The following STK4 variants were observed in gnomAD, a reference collection of about 807,000 sequenced individuals.
STK4 encodes serine/threonine-protein kinase 4.
A neutral mutation model predicts 64.9 loss-of-function variants in STK4; 30 were observed. The observed-to-expected ratio is 0.46, with a 90% CI of 0.35 to 0.63. STK4 has a LOEUF of 0.63. STK4 is among the 20% of genes least tolerant of loss of function. The pLI, the probability that STK4 is intolerant of heterozygous loss-of-function variation, is 0.01. For missense variants in STK4, 466 were observed against 598.5 expected (o/e 0.78, Z 2.31); for synonymous variants, 177 against 199.0 (o/e 0.89, Z 0.93).
rs1238926514 is a variant in STK4, at chr20:45,079,420, C to T, written c.*4244C>T. 1 of 152,194 alleles carries T rather than the reference C, an allele frequency of 6.6e-6. No individual in the cohort carries two copies. Among genetic ancestry groups the T allele is most frequent in the Non-Finnish European group, 1.5e-5 (1 of 68,028 alleles). 9.4% of individuals were successfully genotyped at this position (152,194 alleles called of 1,614,324 possible). On this transcript the variant is annotated 3_prime_UTR_variant, in exon 11 of 11. Coordinates refer to ENST00000372806, the MANE Select transcript of STK4 (RefSeq NM_006282.5). ...GGTCTTCTGATTCTTATTCCAGTGT[C>T]CTTTCTAGCATACCATGTTGCCTCT...
chr20:45,061,811 T>C (rs1979036722), intron 10 of STK4, among the ~76,000 whole-genome samples: 1 of 151,890 alleles, frequency 6.6e-6, no homozygotes, highest in Non-Finnish European at 1.5e-5. Context: ...CTCATGTTTT[T>C]GTTGTTTAGA....
At chr20:44,999,466 G>GA (rs1434795004) in intron 7 of STK4, among the ~76,000 whole-genome samples, 1 of 152,130 alleles carries the variant, frequency 6.6e-6, no homozygotes, top group Non-Finnish European at 1.5e-5. Flanking sequence ...GGATTGCCAA[G>GA]AAACAATGGG....
Position 44,971,827 on chromosome 20 carries a change from C to T in STK4, c.36-251C>T, listed in dbSNP as rs543547915. Among the ~76,000 whole-genome samples the T allele has an allele frequency of 8.5e-5, 13 of 152,060 alleles. No individual in the cohort carries two copies. The East Asian group carries it at 1.4e-3, about 16-fold the overall frequency. ...CTGGGATTACAGGCATGCGTTACCA[C>T]GCCCAGCTAATTTTTTTGTATTTTT... On this transcript the variant is annotated intron_variant, in intron 1 of 10. Coordinates refer to ENST00000372806, the MANE Select transcript of STK4 (RefSeq NM_006282.5).
intron 9 of STK4, among the ~76,000 whole-genome samples, chr20:45,006,253 G>A (rs1374710025): frequency 6.8e-6 from 1 of 146,906 alleles, no homozygotes; most frequent in Middle Eastern, 3.5e-3. Context: ...TGTTTCGGAT[G>A]TATTTATTTA....
At position 44,995,605 on chromosome 20, in the gene STK4, C is replaced by G. The variant is rs77264681; in HGVS notation, c.693+348C>G. Reference sequence around the variant, plus strand: ...TGGGAGAGAGAGTGAGACTCCATCTCAAAAAAAAAAAAAAAAAAAAAAAAG... The same window carrying G: ...TGGGAGAGAGAGTGAGACTCCATCTGAAAAAAAAAAAAAAAAAAAAAAAAG... On this transcript the variant is annotated intron_variant, in intron 6 of 10. Coordinates refer to ENST00000372806, the MANE Select transcript of STK4 (RefSeq NM_006282.5). Among the ~76,000 whole-genome samples, 211 of 54,566 alleles carry G rather than the reference C, an allele frequency of 3.9e-3. 1 individual carries two copies. The highest frequency in any genetic ancestry group is 0.013 in the African/African-American group (194 of 14,806). 35.8% of individuals were successfully genotyped at this position (54,566 alleles called of 152,430 possible). A position where few individuals can be genotyped will look rare whatever the true frequency, so the allele number is the denominator to read the frequency against.
intron 9 of STK4, among the ~76,000 whole-genome samples, chr20:45,023,686 C>T (rs1350771836): frequency 1.3e-5 from 2 of 152,048 alleles, no homozygotes; most frequent in Admixed American, 1.3e-4. Context: ...TCTTTCTGCT[C>T]TTGTTACTAA....
chr20:44,997,255 G>C lies in STK4; in HGVS notation c.780G>C (p.Gln260His), dbSNP rs2067749244. Residue 260 changes from glutamine (Q) to histidine (H), a missense_variant, in exon 7 of 11, where the codon CAG becomes CAC. By Grantham distance (24) the Gln-to-His change is conservative (BLOSUM62 0). Coordinates refer to ENST00000372806, the MANE Select transcript of STK4 (RefSeq NM_006282.5). ...ATAACTTTACAGATTTTGTGAAACAGTGTCTTGTAAAGAGCCCTGAGCAGA... is the reference window on the plus strand; with the variant it reads ...ATAACTTTACAGATTTTGTGAAACACTGTCTTGTAAAGAGCCCTGAGCAGA... ...WSDNFTDFVK[Q>H]CLVKSPEQRA... 6.2e-7 allele frequency: 1 copy of C among 1,613,652 alleles called. No homozygotes were observed. The highest frequency in any genetic ancestry group is 1.7e-5 in the Admixed American group (1 of 59,966).
chr20:44,987,036 G>C, intron 4 of STK4, 96 bp from the exon 5 acceptor site: 1 of 1,028,630 alleles, frequency 9.7e-7, no homozygotes, highest in Non-Finnish European at 1.4e-6. Context: ...AATAAGATCT[G>C]TTTATATTAA....
intron 1 of STK4, among the ~76,000 whole-genome samples, chr20:44,971,745 A>G (rs1300232853): frequency 7.4e-6 from 1 of 134,534 alleles, no homozygotes; most frequent in Non-Finnish European, 1.5e-5. Context: ...ATTTCGGTTC[A>G]CTGCAAACTC....
rs149432644 is a variant in STK4 at position 44,997,233 on chromosome 20, A to G, written c.758A>G (p.Asn253Ser). ...CGAAAACCAGAGCTATGGTCAGATA[A>G]CTTTACAGATTTTGTGAAACAGTGT... Reference protein sequence around the residue: ...TFRKPELWSDNFTDFVKQCLV... With the variant: ...TFRKPELWSDSFTDFVKQCLV... The change falls in exon 7 of 11, where the codon AAC becomes AGC. Residue 253 changes from asparagine (N) to serine (S), a missense_variant. Transcript: ENST00000372806. 5.1e-5 allele frequency: 82 copies of G among 1,613,880 alleles called. No individual in the cohort carries two copies. Among genetic ancestry groups the G allele is most frequent in the Non-Finnish European group, 9.3e-6 (11 of 1,179,928 alleles).
chr20:45,000,223 C>T (rs901433250), intron 7 of STK4, among the ~76,000 whole-genome samples, 169 bp from the exon 8 acceptor site: 1 of 152,184 alleles, frequency 6.6e-6, no homozygotes, highest in African/African-American at 2.4e-5. Flanking sequence ...TTGCTCTACT[C>T]AGAGTTATAA....
chr20:45,044,120 A>G (rs1188393504), intron 10 of STK4, among the ~76,000 whole-genome samples: 2 of 152,206 alleles, frequency 1.3e-5, no homozygotes, highest in African/African-American at 2.4e-5. Flanking sequence ...TTACATCTCT[A>G]TACAATAATA....
At chr20:44,977,909 TAAAAC>T (rs2067367442) in intron 2 of STK4, among the ~76,000 whole-genome samples, 1 of 152,190 alleles carries the variant, frequency 6.6e-6, no homozygotes, top group African/African-American at 2.4e-5. Context: ...GTGAATACAA[TAAAAC>T]AAAGACTGCC....
At chr20:44,967,469 T>C (rs1182738678) in intron 1 of STK4, among the ~76,000 whole-genome samples, 1 of 152,202 alleles carries the variant, frequency 6.6e-6, no homozygotes, top group Non-Finnish European at 1.5e-5. Context: ...GGATGGTGGC[T>C]GATCCTAGAA....
At chr20:45,048,860 T>C (rs184924615) in intron 10 of STK4, among the ~76,000 whole-genome samples, 39 of 152,320 alleles carry the variant, frequency 2.6e-4, no homozygotes, top group Admixed American at 2.1e-3. Context: ...AATTCTGTTA[T>C]GACTTTCTTG....
chr20:45,035,978 A>G (rs1300868978), intron 10 of STK4, among the ~76,000 whole-genome samples: 2 of 146,200 alleles, frequency 1.4e-5, no homozygotes. Context: ...TTGCCATTTT[A>G]GGGGTAAAAA....
chr20:44,978,219 C>G (rs1601187302), intron 2 of STK4, among the ~76,000 whole-genome samples: 1 of 152,200 alleles, frequency 6.6e-6, no homozygotes, highest in Non-Finnish European at 1.5e-5. Flanking sequence ...CATAAGAATA[C>G]ATTCATTACA....
chr20:45,027,307 G>A (rs1357643803), intron 10 of STK4, among the ~76,000 whole-genome samples: 1 of 151,732 alleles, frequency 6.6e-6, no homozygotes, highest in Non-Finnish European at 1.5e-5. Flanking sequence ...GTGCATGCCT[G>A]TAATCCCAGC....
At chr20:44,981,417 A>T (rs1471236565) in intron 3 of STK4, among the ~76,000 whole-genome samples, 1 of 151,958 alleles carries the variant, frequency 6.6e-6, no homozygotes, top group South Asian at 2.1e-4. Flanking sequence ...GGCCTCCCAA[A>T]GTGTTGGGAT....
Sources: allele counts gnomAD v4.1 joint callset (sites outside exome capture counted in the v4.1 genomes callset), GRCh38; gene constraint gnomAD v4.1.1; transcripts MANE v1.5; gene names NCBI Gene and HGNC (gene_info 2026-07-23, HGNC 2026-07-21).